Variants in PPP3CA observed in about 807,000 individuals in gnomAD.
PPP3CA encodes the protein protein phosphatase 3 catalytic subunit alpha.
PPP3CA carries 14 observed loss-of-function variants against 66.5 expected under a neutral mutation model. The ratio of observed to expected loss-of-function variants is 0.21; its 90% CI spans 0.14 to 0.33. PPP3CA has a LOEUF of 0.33. Among genes scored for constraint, PPP3CA ranks in the 10% least tolerant of loss-of-function variants. The pLI is 1.00. For missense variants in PPP3CA, 317 were observed against 639.5 expected, an observed-to-expected ratio of 0.50 and a Z score of 5.44; for synonymous variants, 232 against 226.2, an observed-to-expected ratio of 1.03 and a Z score of -0.23.
chr4:101,186,465 T>C lies in PPP3CA; in HGVS notation c.259+9451A>G, dbSNP rs76816141. ...ATCCAAATGATTCTCAATCATCAAA[T>C]ATAAAGAAATTATTACTTTGACATG... is the stretch of plus-strand genomic sequence containing the variant. On this transcript the variant is annotated intron_variant, in intron 2 of 13. Coordinates refer to ENST00000394854, the MANE Select transcript of PPP3CA (RefSeq NM_000944.5). 7.0e-4 allele frequency among the ~76,000 whole-genome samples: 106 copies of C among 152,248 alleles called. 2 individuals carry two copies. The East Asian group carries it at 0.019, about 27-fold the overall frequency.
chr4:101,188,862 T>A (rs1037050978), intron 2 of PPP3CA, among the ~76,000 whole-genome samples: 3 of 152,102 alleles, frequency 2.0e-5, no homozygotes, highest in Admixed American at 6.6e-5. Context: ...TCAGGTAATA[T>A]ATTTTCCATT....
chr4:101,139,208 G>GT (rs1344408229), intron 2 of PPP3CA, among the ~76,000 whole-genome samples: 1 of 151,968 alleles, frequency 6.6e-6, no homozygotes, highest in African/African-American at 2.4e-5. Flanking sequence ...TTAGCCAGGT[G>GT]TGGTGGCAGG....
intron 1 of PPP3CA, among the ~76,000 whole-genome samples, chr4:101,326,032 A>C (rs917757422): frequency 6.6e-6 from 1 of 152,158 alleles, no homozygotes; most frequent in Non-Finnish European, 1.5e-5. Context: ...CCAGCTACTC[A>C]GAAGGCTGAA....
At chr4:101,222,091 TAA>T (rs1475305216) in intron 1 of PPP3CA, among the ~76,000 whole-genome samples, 3 of 151,692 alleles carry the variant, frequency 2.0e-5, no homozygotes, top group African/African-American at 7.2e-5. Flanking sequence ...ACCCAGATTA[TAA>T]ATGCATTCTA....
intron 1 of PPP3CA, among the ~76,000 whole-genome samples, chr4:101,273,419 C>T (rs533423228): frequency 7.9e-5 from 12 of 152,236 alleles, no homozygotes; most frequent in South Asian, 6.2e-4. Flanking sequence ...CTCTGCCTCC[C>T]GGGTTCAAGC....
At chr4:101,209,022 C>G (rs1354435044) in intron 1 of PPP3CA, among the ~76,000 whole-genome samples, 3 of 152,048 alleles carry the variant, frequency 2.0e-5, no homozygotes, top group African/African-American at 7.2e-5. Context: ...AAGACAAAGG[C>G]AGAAAATATA....
intron 2 of PPP3CA, among the ~76,000 whole-genome samples, chr4:101,152,356 T>C (rs1257230506): frequency 6.6e-6 from 1 of 152,182 alleles, no homozygotes; most frequent in Non-Finnish European, 1.5e-5. Context: ...AGCAGAAGTG[T>C]TTGTAAGTAA....
intron 1 of PPP3CA, among the ~76,000 whole-genome samples, chr4:101,343,907 A>G (rs2110344586): frequency 6.6e-6 from 1 of 152,292 alleles, no homozygotes; most frequent in Admixed American, 6.5e-5. Flanking sequence ...TGTAAATAGC[A>G]ATTTCTTATA....
At chr4:101,117,993 C>T (rs115000726) in intron 2 of PPP3CA, among the ~76,000 whole-genome samples, 282 of 152,094 alleles carry the variant, frequency 1.9e-3, no homozygotes, top group African/African-American at 6.7e-3. Context: ...TAGAAATACT[C>T]ATCTCAGGTT....
intron 11 of PPP3CA, among the ~76,000 whole-genome samples, chr4:101,036,413 CTTTCT>C (rs1015019373): frequency 1.6e-4 from 15 of 96,078 alleles, no homozygotes; most frequent in Admixed American, 2.7e-4. Flanking sequence ...CTTTTTCTTT[CTTTCT>C]TTTTTTTTTT....
intron 1 of PPP3CA, among the ~76,000 whole-genome samples, chr4:101,290,620 C>T (rs886935355): frequency 3.3e-5 from 5 of 152,168 alleles, no homozygotes; most frequent in Admixed American, 6.5e-5. Context: ...CATACACCCT[C>T]GTGAAGCTTA....
intron 2 of PPP3CA, among the ~76,000 whole-genome samples, chr4:101,157,459 T>C (rs576733794): frequency 1.1e-4 from 17 of 152,192 alleles, no homozygotes; most frequent in Non-Finnish European, 2.4e-4. Context: ...AGTGGCTGAC[T>C]AGAGAAAGGG....
chr4:101,241,198 T>C (rs940056481), intron 1 of PPP3CA, among the ~76,000 whole-genome samples: 2 of 151,928 alleles, frequency 1.3e-5, no homozygotes, highest in African/African-American at 2.4e-5. Context: ...TATGGTACAG[T>C]GAAAAGAGAA....
intron 1 of PPP3CA, among the ~76,000 whole-genome samples, chr4:101,218,964 C>T (rs1725538276): frequency 6.6e-6 from 1 of 151,980 alleles, no homozygotes; most frequent in Admixed American, 6.6e-5. Flanking sequence ...ACGCATTGTC[C>T]CTTTGAAAAC....
At chr4:101,271,202 A>T (rs748642516) in intron 1 of PPP3CA, among the ~76,000 whole-genome samples, 4 of 152,184 alleles carry the variant, frequency 2.6e-5, no homozygotes, top group African/African-American at 7.2e-5. Flanking sequence ...CTTGATAATT[A>T]AAAAAGCAGC....
At position 101,106,398 on chromosome 4, in the gene PPP3CA, AAAGAAAGAAAG is replaced by A. The variant is rs1560604767; in HGVS notation, c.384+2545_384+2555del. Among the ~76,000 whole-genome samples the A allele has an allele frequency of 3.5e-3, 29 of 8,240 alleles. 3 individuals carry two copies. Among genetic ancestry groups the A allele is most frequent in the African/African-American group, 8.5e-3 (26 of 3,054 alleles). The allele number at this position is 8,240 out of a possible 152,430, so 5.4% of individuals were successfully genotyped here. A position where few individuals can be genotyped will look rare whatever the true frequency, so the allele number is the denominator to read the frequency against. On this transcript the variant is annotated intron_variant, in intron 3 of 13. Transcript: ENST00000394854. Reference sequence around the variant, plus strand: ...AAAAGAAAGAAAGAAAGAAAGAAAGAAAGAAAGAAAGAAAGAAAGAAAGAAAGAAAGAAAGA... The same window carrying A: ...AAAAGAAAGAAAGAAAGAAAGAAAGAAAAGAAAGAAAGAAAGAAAGAAAGA...
chr4:101,128,983 G>A (rs891502824), intron 2 of PPP3CA, among the ~76,000 whole-genome samples: 1 of 152,214 alleles, frequency 6.6e-6, no homozygotes, highest in African/African-American at 2.4e-5. Context: ...AGCCCAGCAA[G>A]CTATGATACA....
Position 101,115,670 on chromosome 4 carries a change from C to G in PPP3CA, c.260-6592G>C, listed in dbSNP as rs572168480. Among the ~76,000 whole-genome samples, 34 of 151,992 alleles carry G rather than the reference C, an allele frequency of 2.2e-4. 1 individual carries two copies. In the South Asian group the frequency reaches 6.4e-3, roughly 29 times the overall value. Reference sequence around the variant, plus strand: ...TAATAGCTTGAAAAGAACTCTGATACAGCTGTCACCCTGAATAGAAGATAC... The same window carrying G: ...TAATAGCTTGAAAAGAACTCTGATAGAGCTGTCACCCTGAATAGAAGATAC... On this transcript the variant is annotated intron_variant, in intron 2 of 13. Transcript: ENST00000394854.
At chr4:101,071,056 T>C (rs1467935641) in intron 8 of PPP3CA, among the ~76,000 whole-genome samples, 2 of 152,168 alleles carry the variant, frequency 1.3e-5, no homozygotes, top group African/African-American at 4.8e-5. Context: ...GAGAGAGTCT[T>C]AGCTGAAGCT....
Sources: allele counts gnomAD v4.1 joint callset (sites outside exome capture counted in the v4.1 genomes callset), GRCh38; gene constraint gnomAD v4.1.1; transcripts MANE v1.5; gene names NCBI Gene and HGNC (gene_info 2026-07-23, HGNC 2026-07-21).